The following PCDHA10 variants were observed in gnomAD, a reference collection of about 807,000 sequenced individuals.
PCDHA10 encodes protocadherin alpha-10.
A neutral mutation model predicts 61.2 loss-of-function variants in PCDHA10; 45 were observed. The ratio of observed to expected loss-of-function variants is 0.74; its 90% confidence interval spans 0.58 to 0.94. The LOEUF (loss-of-function observed/expected upper bound fraction) is 0.94, where lower values mean the gene tolerates loss of function less well. Ranked by LOEUF, PCDHA10 falls within the 40% of genes least tolerant of loss-of-function variation. The pLI, the probability that PCDHA10 is intolerant of heterozygous loss-of-function variation, is 0.00. For synonymous variants in PCDHA10, 602 were observed against 548.8 expected (o/e 1.10, Z -1.35); for missense variants, 1,278 against 1,236.2 (o/e 1.03, Z -0.51).
chr5:140,992,400 T>C (rs1019164556), intron 3 of PCDHA10, among the ~76,000 whole-genome samples: 1 of 152,124 alleles, frequency 6.6e-6, no homozygotes, highest in Admixed American at 6.5e-5. Context: ...CTTAGAGATA[T>C]TGTTCTGCCC....
At chr5:140,965,496 ATT>A (rs71766133) in intron 1 of PCDHA10, among the ~76,000 whole-genome samples, 87 of 146,352 alleles carry the variant, frequency 5.9e-4, no homozygotes, top group Middle Eastern at 3.6e-3. Context: ...ATGACAGCAG[ATT>A]TTTTTTTTTT....
intron 1 of PCDHA10, chr5:140,882,570 A>G (rs1562776435): frequency 6.2e-7 from 1 of 1,614,240 alleles, no homozygotes. Flanking sequence ...CGGAGCGCGG[A>G]GTGCAGCATC....
At chr5:140,968,321 A>ACCTCCTATGT in intron 1 of PCDHA10, 1 of 1,613,834 alleles carries the variant, frequency 6.2e-7, no homozygotes, top group Non-Finnish European at 8.5e-7. Flanking sequence ...GCTGCCAGTC[A>ACCTCCTATGT]CCTCCTATGT....
At chr5:140,882,343 G>T (rs1554173636) in intron 1 of PCDHA10, 1 of 1,614,198 alleles carries the variant, frequency 6.2e-7, no homozygotes, top group Admixed American at 1.7e-5. Context: ...CAGCCTGGGA[G>T]ACGGGTAGTG....
intron 1 of PCDHA10, among the ~76,000 whole-genome samples, chr5:140,889,433 G>A (rs994872798): frequency 8.6e-5 from 13 of 151,828 alleles, no homozygotes; most frequent in Non-Finnish European, 1.9e-4. Context: ...TATTTTTTCA[G>A]GTATTTTCCT....
chr5:141,002,649 T>C (rs2098089134), intron 3 of PCDHA10, among the ~76,000 whole-genome samples: 2 of 152,214 alleles, frequency 1.3e-5, no homozygotes, highest in South Asian at 2.1e-4. Context: ...GTCTACTTCA[T>C]AGGGCTCTTG....
intron 1 of PCDHA10, among the ~76,000 whole-genome samples, chr5:140,896,282 A>G (rs1326876303): frequency 2.0e-5 from 3 of 152,224 alleles, no homozygotes; most frequent in Non-Finnish European, 4.4e-5. Context: ...GCTGGCTTGA[A>G]TGGTAAGTTC....
intron 1 of PCDHA10, among the ~76,000 whole-genome samples, chr5:140,894,013 T>G (rs1161643824): frequency 1.3e-5 from 2 of 152,232 alleles, no homozygotes; most frequent in African/African-American, 4.8e-5. Flanking sequence ...TGGTTCAAAT[T>G]ACCAGTTCTG....
At chr5:140,906,736 A>G (rs1554192686) in intron 1 of PCDHA10, among the ~76,000 whole-genome samples, 1 of 152,132 alleles carries the variant, frequency 6.6e-6, no homozygotes, top group Admixed American at 6.5e-5. Context: ...GTAGTTTCCC[A>G]TTGACACAGG....
chr5:140,960,417 A>G (rs1340642372), intron 1 of PCDHA10, among the ~76,000 whole-genome samples: 10 of 152,218 alleles, frequency 6.6e-5, no homozygotes, highest in African/African-American at 1.9e-4. Flanking sequence ...CAAAAAGTCA[A>G]CAATTACTTG....
chr5:140,917,164 G>C (rs155804), intron 1 of PCDHA10, among the ~76,000 whole-genome samples: 48,022 of 151,994 alleles, frequency 0.32, 7,940 homozygotes, highest in East Asian at 0.52. Context: ...TATGGGAGGG[G>C]TGATGGTGGT....
chr5:140,899,468 G>C (rs1243330987), intron 1 of PCDHA10, among the ~76,000 whole-genome samples: 2 of 152,080 alleles, frequency 1.3e-5, no homozygotes, highest in African/African-American at 4.8e-5. Context: ...TTTGTCTTTG[G>C]TTCTGTTTAT....
intron 1 of PCDHA10, among the ~76,000 whole-genome samples, chr5:140,915,048 C>T (rs782399136): frequency 2.0e-5 from 3 of 151,284 alleles, no homozygotes; most frequent in East Asian, 1.9e-4. Context: ...TGGGTTCAAG[C>T]GATTCTCCTG....
At chr5:140,914,263 G>T (rs950921953) in intron 1 of PCDHA10, among the ~76,000 whole-genome samples, 2 of 151,932 alleles carry the variant, frequency 1.3e-5, no homozygotes, top group South Asian at 2.1e-4. Flanking sequence ...TTCAATGGTG[G>T]GTGCATATAT....
Position 140,856,124 on chromosome 5 carries a change from G to A in PCDHA10, c.76G>A (p.Gly26Arg), listed in dbSNP as rs2043793970. 6.3e-7 allele frequency: 1 copy of A among 1,598,042 alleles called. No homozygotes were observed. Among genetic ancestry groups the A allele is most frequent in the African/African-American group, 1.3e-5 (1 of 74,268 alleles). ...SLLLLAAWEVGSGQLHYSVYE... is the reference protein window; with the variant it reads ...SLLLLAAWEVRSGQLHYSVYE... ...TCTTCTCCTCGCAGCCTGGGAGGTG[G>A]GGAGCGGCCAGCTCCACTACTCAGT... The change falls in exon 1 of 4, where the codon GGG becomes AGG. Residue 26 changes from glycine (G) to arginine (R), a missense_variant. By Grantham distance (125) the Gly-to-Arg change is moderately radical. Coordinates refer to ENST00000307360, the MANE Select transcript of PCDHA10 (RefSeq NM_018901.4).
chr5:140,989,237 A>C (rs2097333860), intron 3 of PCDHA10, among the ~76,000 whole-genome samples: 1 of 152,172 alleles, frequency 6.6e-6, no homozygotes, highest in African/African-American at 2.4e-5. Flanking sequence ...CTGAAGTTTT[A>C]AGCCCCTTGT....
intron 1 of PCDHA10, chr5:140,877,081 G>A: frequency 6.2e-7 from 1 of 1,613,120 alleles, no homozygotes; most frequent in Non-Finnish European, 8.5e-7. Flanking sequence ...CCAGGTGAGC[G>A]CGCGCGACGC....
At chr5:140,904,443 A>G (rs1345999576) in intron 1 of PCDHA10, among the ~76,000 whole-genome samples, 8 of 151,082 alleles carry the variant, frequency 5.3e-5, no homozygotes, top group African/African-American at 1.5e-4. Flanking sequence ...GTATATTACA[A>G]TTTCTTTATA....
intron 3 of PCDHA10, among the ~76,000 whole-genome samples, chr5:141,005,701 CAA>C (rs59860837): frequency 3.2e-3 from 25 of 7,784 alleles, no homozygotes; most frequent in African/African-American, 6.6e-3. Flanking sequence ...AACTCCGTCT[CAA>C]AAAAAAAAAA....
Sources: allele counts gnomAD v4.1 joint callset (sites outside exome capture counted in the v4.1 genomes callset), GRCh38; gene constraint gnomAD v4.1.1; transcripts MANE v1.5; gene names NCBI Gene and HGNC (gene_info 2026-07-23, HGNC 2026-07-21).